The following CNTNAP5 variants were observed in gnomAD, a reference collection of about 807,000 sequenced individuals.
CNTNAP5 encodes contactin associated protein family member 5, also known as contactin-associated protein-like 5.
In CNTNAP5, 72 loss-of-function variants were observed where a neutral mutation model predicts 150.2. That is an observed-to-expected ratio of 0.48 (90% confidence interval 0.40 to 0.58). CNTNAP5 has a LOEUF of 0.58. Ranked by LOEUF, CNTNAP5 falls within the 20% of genes least tolerant of loss-of-function variation. CNTNAP5 has a pLI of 0.00. For synonymous variants in CNTNAP5, 672 were observed against 619.8 expected, an observed-to-expected ratio of 1.08 and a Z score of -1.25; for missense variants, 1,636 against 1,626.2, an observed-to-expected ratio of 1.01 and a Z score of -0.10.
rs1462445061 is a variant in CNTNAP5, at chr2:124,594,814, G to C, written c.1757-14987G>C. Among the ~76,000 whole-genome samples the C allele has an allele frequency of 1.8e-5, 2 of 110,632 alleles. 1 individual carries two copies. Among genetic ancestry groups the C allele is most frequent in the Admixed American group, 2.1e-4 (2 of 9,444 alleles). 72.6% of individuals were successfully genotyped at this position (110,632 alleles called of 152,430 possible). On this transcript the variant is annotated intron_variant, in intron 11 of 23. Coordinates refer to ENST00000682447, the MANE Select transcript of CNTNAP5 (RefSeq NM_001367498.1). Reference sequence around the variant, plus strand: ...TGTTTGTATCCTCTTTTATTTCCTTGAGCAGTGGTTTGTAATTCTCCTTGA... The same window carrying C: ...TGTTTGTATCCTCTTTTATTTCCTTCAGCAGTGGTTTGTAATTCTCCTTGA...
intron 3 of CNTNAP5, among the ~76,000 whole-genome samples, chr2:124,309,156 C>T (rs548739334): frequency 6.6e-6 from 1 of 152,258 alleles, no homozygotes; most frequent in South Asian, 2.1e-4. Flanking sequence ...TGACAATATA[C>T]TGTAATAAAA....
chr2:124,731,112 G>A (rs1278767156), intron 13 of CNTNAP5, among the ~76,000 whole-genome samples: 4 of 152,028 alleles, frequency 2.6e-5, no homozygotes, highest in Admixed American at 2.6e-4. Flanking sequence ...TCTATGCCTT[G>A]CTCAGACCTC....
intron 3 of CNTNAP5, among the ~76,000 whole-genome samples, chr2:124,293,456 C>G (rs1349163126): frequency 6.6e-6 from 1 of 151,954 alleles, no homozygotes; most frequent in South Asian, 2.1e-4. Context: ...TAGTTAATAA[C>G]AATCCAATGC....
At chr2:124,909,353 G>A (rs2104766672) in intron 22 of CNTNAP5, among the ~76,000 whole-genome samples, 1 of 152,242 alleles carries the variant, frequency 6.6e-6, no homozygotes, top group East Asian at 1.9e-4. Context: ...GGGGGCAATA[G>A]TCTATACTAC....
intron 3 of CNTNAP5, among the ~76,000 whole-genome samples, chr2:124,388,508 A>G (rs1048974687): frequency 6.6e-6 from 1 of 152,204 alleles, no homozygotes; most frequent in African/African-American, 2.4e-5. Context: ...TAACTTATGC[A>G]TCAATTCCCT....
chr2:124,117,893 G>T (rs1683465676), intron 1 of CNTNAP5, among the ~76,000 whole-genome samples: 1 of 152,116 alleles, frequency 6.6e-6, no homozygotes, highest in African/African-American at 2.4e-5. Context: ...AGACCAGCCT[G>T]GGTAACATGG....
intron 21 of CNTNAP5, among the ~76,000 whole-genome samples, chr2:124,876,219 A>G (rs193122782): frequency 2.4e-4 from 36 of 152,222 alleles, no homozygotes; most frequent in Non-Finnish European, 4.0e-4. Context: ...TCAAGGACCA[A>G]TCCCAGACCA....
intron 1 of CNTNAP5, among the ~76,000 whole-genome samples, chr2:124,152,799 T>C (rs1684436836): frequency 2.0e-5 from 3 of 152,142 alleles, no homozygotes; most frequent in Non-Finnish European, 4.4e-5. Flanking sequence ...TAGCCAGTGA[T>C]TCTGTCTTAT....
At chr2:124,076,188 A>G (rs984381108) in intron 1 of CNTNAP5, among the ~76,000 whole-genome samples, 2 of 152,086 alleles carry the variant, frequency 1.3e-5, no homozygotes, top group African/African-American at 4.8e-5. Context: ...TTGAATCTCA[A>G]ACCCTGACTT....
At position 124,242,241 on chromosome 2, in the gene CNTNAP5, T is replaced by A; in HGVS notation, c.229T>A (p.Trp77Arg). The A allele has an allele frequency of 6.2e-7, 1 of 1,601,464 alleles. No homozygotes were observed. The highest frequency in any genetic ancestry group is 8.5e-7 in the Non-Finnish European group (1 of 1,173,318). The change falls in exon 3 of 24, where the codon TGG becomes AGG. Residue 77 changes from tryptophan to arginine, a missense_variant. By Grantham distance (101) the Trp-to-Arg change is moderately radical (BLOSUM62 -3). Coordinates refer to ENST00000682447, the MANE Select transcript of CNTNAP5 (RefSeq NM_001367498.1). ...WSPADSNAQQ[W>R]LQMDLGNRVE... ...CCCAGCAGATTCCAATGCTCAACAG[T>A]GGCTCCAGATGGACCTGGGAAACAG...
chr2:124,446,671 C>A (rs1692824011), intron 5 of CNTNAP5, 82 bp from the exon 6 acceptor site: 3 of 1,354,926 alleles, frequency 2.2e-6, no homozygotes, highest in South Asian at 1.3e-5. Context: ...ACAGATATAG[C>A]TGCTTTTGCT....
intron 13 of CNTNAP5, among the ~76,000 whole-genome samples, chr2:124,707,134 AGAAGAG>A (rs765203174): frequency 0.04 from 3,595 of 89,738 alleles, 176 homozygotes; most frequent in Middle Eastern, 0.071. Context: ...AAGAAGAAGA[AGAAGAG>A]GAAGAAGAAG....
intron 13 of CNTNAP5, among the ~76,000 whole-genome samples, chr2:124,734,926 G>A (rs1680351276): frequency 1.3e-5 from 2 of 152,140 alleles, no homozygotes; most frequent in Admixed American, 6.6e-5. Flanking sequence ...ATTTAGGTGT[G>A]TAAACTTGAG....
intron 3 of CNTNAP5, among the ~76,000 whole-genome samples, chr2:124,402,290 G>A (rs1458114957): frequency 6.6e-6 from 1 of 152,140 alleles, no homozygotes; most frequent in African/African-American, 2.4e-5. Flanking sequence ...CCAAGGCTGG[G>A]CTGGGAATGA....
intron 10 of CNTNAP5, among the ~76,000 whole-genome samples, chr2:124,554,366 T>C (rs1695703409): frequency 1.3e-5 from 2 of 152,176 alleles, no homozygotes; most frequent in African/African-American, 4.8e-5. Context: ...TTTCTTAGGT[T>C]TTTTACTAAG....
At chr2:124,322,103 T>C (rs1161841184) in intron 3 of CNTNAP5, among the ~76,000 whole-genome samples, 1 of 151,696 alleles carries the variant, frequency 6.6e-6, no homozygotes, top group African/African-American at 2.4e-5. Flanking sequence ...TGAGCCAAGA[T>C]TGCACCACTG....
chr2:124,048,479 T>C (rs1302674036), intron 1 of CNTNAP5, among the ~76,000 whole-genome samples: 3 of 152,228 alleles, frequency 2.0e-5, no homozygotes, highest in African/African-American at 7.2e-5. Context: ...GATAACATTT[T>C]GTTTGTTTCT....
chr2:124,798,465 A>G (rs981025666), intron 19 of CNTNAP5, 145 bp downstream of exon 19: 23 of 629,392 alleles, frequency 3.7e-5, no homozygotes, highest in Non-Finnish European at 5.9e-5. Context: ...ATCCTTGATT[A>G]TTCTTTACCT....
chr2:124,694,099 G>A (rs949009341), intron 13 of CNTNAP5, among the ~76,000 whole-genome samples: 6 of 152,110 alleles, frequency 3.9e-5, no homozygotes, highest in Admixed American at 2.0e-4. Context: ...ACAGCTCCAT[G>A]ACCTCCCACT....
Sources: gnomAD v4.1 joint callset for allele counts (sites outside exome capture counted in the v4.1 genomes callset) on GRCh38, gnomAD v4.1.1 for gene constraint, MANE v1.5 for transcripts, NCBI Gene and HGNC (gene_info 2026-07-23, HGNC 2026-07-21) for gene names.